The following SEMA6B variants were observed in gnomAD, a reference collection of about 807,000 sequenced individuals.
SEMA6B encodes semaphorin 6B.
In SEMA6B, 47 loss-of-function variants were observed where a neutral mutation model predicts 78.6. The observed-to-expected ratio is 0.60, with a 90% CI of 0.47 to 0.76. The LOEUF (loss-of-function observed/expected upper bound fraction) is 0.76, where lower values mean the gene tolerates loss of function less well. Ranked by LOEUF, SEMA6B falls within the 30% of genes least tolerant of loss-of-function variation. The pLI is 0.00. For missense variants in SEMA6B, 1,213 were observed against 1,269.9 expected, an observed-to-expected ratio of 0.96 and a Z score of 0.68; for synonymous variants, 632 against 592.2, an observed-to-expected ratio of 1.07 and a Z score of -0.98.
chr19:4,553,303 T>C (rs1161251483), intron 9 of SEMA6B, among the ~76,000 whole-genome samples: 1 of 151,180 alleles, frequency 6.6e-6, no homozygotes, highest in African/African-American at 2.4e-5. Flanking sequence ...GATGAATGAA[T>C]GGATGGATAA....
At chr19:4,546,941 T>A (rs35862884) in intron 14 of SEMA6B, among the ~76,000 whole-genome samples, 63,569 of 149,778 alleles carry the variant, frequency 0.42, 14,987 homozygotes, top group East Asian at 0.88. Context: ...ATTAAAAAAA[T>A]TTTTTTAAAT....
intron 15 of SEMA6B, 54 bp downstream of exon 15, chr19:4,546,338 G>A: frequency 6.3e-7 from 1 of 1,597,972 alleles, no homozygotes; most frequent in Non-Finnish European, 8.5e-7. Context: ...AGGGGGATCT[G>A]GGATCATGGG....
Position 4,555,172 on chromosome 19 carries a change from T to G in SEMA6B, c.563-77A>C. 15 of 1,493,364 alleles carry G rather than the reference T, an allele frequency of 1.0e-5. No homozygotes were observed. The South Asian group carries it at 1.6e-4, about 16-fold the overall frequency. 92.5% of individuals were successfully genotyped at this position (1,493,364 alleles called of 1,614,324 possible). ...GGGGCTGGGTGGGTCGAAACTCGAT[T>G]TTCTGAGACTGAGTCCTGAGCCTAG... On this transcript the variant is annotated intron_variant, in intron 7 of 16. Transcript: ENST00000586582. The surrounding 1 kb of genome is among the most constrained non-coding windows in gnomAD (Gnocchi z 6.1).
At chr19:4,559,415 T>C (rs372417931) in intron 1 of SEMA6B, 115 bp downstream of exon 1, 4 of 152,176 alleles carry the variant, frequency 2.6e-5, no homozygotes, top group East Asian at 3.9e-4. Flanking sequence ...TTGCAGAAAC[T>C]TCTAGGTGTG....
chr19:4,544,523 A>G lies in SEMA6B; in HGVS notation c.1745T>C (p.Leu582Pro). 6.5e-7 allele frequency: 1 copy of G among 1,529,902 alleles called. No individual in the cohort carries two copies. The highest frequency in any genetic ancestry group is 8.8e-7 in the Non-Finnish European group (1 of 1,135,562). The allele number at this position is 1,529,902 out of a possible 1,614,324, so 94.8% of individuals were successfully genotyped here. A position where few individuals can be genotyped will look rare whatever the true frequency, so the allele number is the denominator to read the frequency against. Reference sequence around the variant, plus strand: ...GCGGTCCTCGGAGAGGCTGGCCCGCAGGAGTCCTGGCCGGGGAGCACAGGG... The same window carrying G: ...GCGGTCCTCGGAGAGGCTGGCCCGCGGGAGTCCTGGCCGGGGAGCACAGGG... ...TSGLGDCTGLLRASLSEDRAG... is the reference protein window; with the variant it reads ...TSGLGDCTGLPRASLSEDRAG... The change falls in exon 17 of 17, where the codon CTG becomes CCG. Residue 582 changes from leucine to proline, a missense_variant. Transcript: ENST00000586582. This position sits in a 1 kb window ranked among gnomAD's most constrained non-coding sequence, Gnocchi z 5.1.
At position 4,550,509 on chromosome 19, in the gene SEMA6B, A is replaced by G. The variant is rs548595270; in HGVS notation, c.1122-237T>C. Among the ~76,000 whole-genome samples, 376 of 152,196 alleles carry G rather than the reference A, an allele frequency of 2.5e-3. 2 individuals carry two copies. The highest frequency in any genetic ancestry group is 8.3e-3 in the South Asian group (40 of 4,814). On this transcript the variant is annotated intron_variant, in intron 11 of 16. Coordinates refer to ENST00000586582, the MANE Select transcript of SEMA6B (RefSeq NM_032108.4). The surrounding 1 kb of genome is among the most constrained non-coding windows in gnomAD (Gnocchi z 6.6). Reference sequence around the variant, plus strand: ...CACCCGAGTGGCTGGGATTACAGGCACGTGCCATCACGCCCGGCTAATTTT... The same window carrying G: ...CACCCGAGTGGCTGGGATTACAGGCGCGTGCCATCACGCCCGGCTAATTTT...
Position 4,543,671 on chromosome 19 carries a change from C to G in SEMA6B, c.2597G>C (p.Arg866Pro), listed in dbSNP as rs751417179. Residue 866 changes from arginine (R) to proline (P), a missense_variant, in exon 17 of 17, where the codon CGG becomes CCG. By Grantham distance (103) the Arg-to-Pro change is moderately radical. Coordinates refer to ENST00000586582, the MANE Select transcript of SEMA6B (RefSeq NM_032108.4). ...PGDRHRGCHA[R>P]PGTDLAHLLP... Reference sequence around the variant, plus strand: ...GAGGTGGGCCAAGTCTGTGCCCGGCCGGGCGTGGCAGCCGCGGTGGCGGTC... The same window carrying G: ...GAGGTGGGCCAAGTCTGTGCCCGGCGGGGCGTGGCAGCCGCGGTGGCGGTC... 6 of 1,230,798 alleles carry G rather than the reference C, an allele frequency of 4.9e-6. No individual in the cohort carries two copies. The African/African-American group carries it at 9.3e-5, about 19-fold the overall frequency. 76.2% of individuals were successfully genotyped at this position (1,230,798 alleles called of 1,614,324 possible).
At position 4,542,796 on chromosome 19, in the gene SEMA6B, C is replaced by G. The variant is rs1282347095; in HGVS notation, c.*805G>C. 2.9e-6 allele frequency: 2 copies of G among 701,282 alleles called. No individual in the cohort carries two copies. Among genetic ancestry groups the G allele is most frequent in the Non-Finnish European group, 5.2e-6 (2 of 384,734 alleles). 43.4% of individuals were successfully genotyped at this position (701,282 alleles called of 1,614,324 possible). ...GGCCCCACCCACCTTCGCCGCCCCC[C>G]AGGCCCCCAAGCCCTTTAGACAGCT... On this transcript the variant is annotated 3_prime_UTR_variant, in exon 17 of 17. Coordinates refer to ENST00000586582, the MANE Select transcript of SEMA6B (RefSeq NM_032108.4).
Position 4,550,058 on chromosome 19 carries a change from T to C in SEMA6B, c.1271+65A>G. ...GGCTCATCTGTGTTGAGCATCTGGATCCTCTCACCCTCCATCTACCCCATC... is the reference window on the plus strand; with the variant it reads ...GGCTCATCTGTGTTGAGCATCTGGACCCTCTCACCCTCCATCTACCCCATC... On this transcript the variant is annotated intron_variant, in intron 12 of 16. Transcript: ENST00000586582. This position sits in a 1 kb window ranked among gnomAD's most constrained non-coding sequence, Gnocchi z 6.6. The C allele has an allele frequency of 2.0e-6, 3 of 1,536,588 alleles. No individual in the cohort carries two copies. Among genetic ancestry groups the C allele is most frequent in the Non-Finnish European group, 2.7e-6 (3 of 1,119,924 alleles).
chr19:4,558,574 CAAATCCCAGAA>C lies in SEMA6B; in HGVS notation c.-32-96_-32-86del. 1.2e-6 allele frequency: 1 copy of C among 812,810 alleles called. No individual in the cohort carries two copies. The highest frequency in any genetic ancestry group is 1.7e-6 in the Non-Finnish European group (1 of 605,422). The allele number at this position is 812,810 out of a possible 1,614,324, so 50.3% of individuals were successfully genotyped here. A position where few individuals can be genotyped will look rare whatever the true frequency, so the allele number is the denominator to read the frequency against. ...CGGGCGAGAGCAGCAGACGCTCCTT[CAAATCCCAGAA>C]AAATTCCTCACGGGGATAATAATTA... On this transcript the variant is annotated intron_variant, in intron 1 of 16. Transcript: ENST00000586582. This position sits in a 1 kb window ranked among gnomAD's most constrained non-coding sequence, Gnocchi z 5.1.
chr19:4,549,765 A>G (rs1213244456), intron 12 of SEMA6B, among the ~76,000 whole-genome samples: 1 of 152,070 alleles, frequency 6.6e-6, no homozygotes, highest in African/African-American at 2.4e-5. Flanking sequence ...GGCGTGAGCC[A>G]CCATGCCCGG....
At position 4,558,140 on chromosome 19, in the gene SEMA6B, T is replaced by A; in HGVS notation, c.131A>T (p.His44Leu). The change falls in exon 3 of 17, where the codon CAC becomes CTC. Residue 44 changes from histidine to leucine, a missense_variant. By Grantham distance (99) the His-to-Leu change is moderately conservative (BLOSUM62 -3). Coordinates refer to ENST00000586582, the MANE Select transcript of SEMA6B (RefSeq NM_032108.4). This position sits in a 1 kb window ranked among gnomAD's most constrained non-coding sequence, Gnocchi z 5.1. The stretch of plus-strand genomic sequence containing the variant: ...CCCGCTGCCCACAAACACGGGATAG[T>A]GGTTCAGGTCTGAGTGAGGGGGTGG... ...LSVAPRDYLN[H>L]YPVFVGSGPG... 1 of 1,497,300 alleles carries A rather than the reference T, an allele frequency of 6.7e-7. No individual in the cohort carries two copies. The highest frequency in any genetic ancestry group is 1.3e-5 in the South Asian group (1 of 75,678). 92.8% of individuals were successfully genotyped at this position (1,497,300 alleles called of 1,614,324 possible).
chr19:4,556,922 G>T, intron 5 of SEMA6B, 29 bp downstream of exon 5: 1 of 1,603,912 alleles, frequency 6.2e-7, no homozygotes, highest in Non-Finnish European at 8.5e-7. Flanking sequence ...TGATTCGCAG[G>T]GGCCGGGACC....
intron 5 of SEMA6B, 152 bp downstream of exon 5, chr19:4,556,799 G>A: frequency 5.7e-6 from 4 of 706,364 alleles, no homozygotes; most frequent in South Asian, 3.4e-5. Flanking sequence ...TGTGGCCAGG[G>A]CTGGCAGTTG....
Position 4,550,710 on chromosome 19 carries a change from G to C in SEMA6B, c.1121+89C>G. The C allele has an allele frequency of 6.7e-7, 1 of 1,503,118 alleles. No homozygotes were observed. 93.1% of individuals were successfully genotyped at this position (1,503,118 alleles called of 1,614,324 possible). A position where few individuals can be genotyped will look rare whatever the true frequency, so the allele number is the denominator to read the frequency against. On this transcript the variant is annotated intron_variant, in intron 11 of 16. Coordinates refer to ENST00000586582, the MANE Select transcript of SEMA6B (RefSeq NM_032108.4). This position sits in a 1 kb window ranked among gnomAD's most constrained non-coding sequence, Gnocchi z 6.6. Reference sequence around the variant, plus strand: ...ACGGGTACAGCTGAACTCAGCATCAGCTAAATAACCACCCGGAAGCCCCAG... The same window carrying C: ...ACGGGTACAGCTGAACTCAGCATCACCTAAATAACCACCCGGAAGCCCCAG...
At chr19:4,554,341 G>A (rs373250051) in intron 9 of SEMA6B, 47 bp downstream of exon 9, 44 of 1,459,172 alleles carry the variant, frequency 3.0e-5, no homozygotes, top group East Asian at 1.4e-4. Context: ...CCCTCACTTC[G>A]CATGATCAGA....
chr19:4,555,609 C>G lies in SEMA6B; in HGVS notation c.472-45G>C. 6.7e-7 allele frequency: 1 copy of G among 1,502,486 alleles called. No individual in the cohort carries two copies. The highest frequency in any genetic ancestry group is 9.2e-7 in the Non-Finnish European group (1 of 1,088,258). The allele number at this position is 1,502,486 out of a possible 1,614,324, so 93.1% of individuals were successfully genotyped here. ...TGAGTGACAGATCTCCTGACCCCAC[C>G]TAGCAGCCCCTGGCTCCCTCAGCCC... is the stretch of plus-strand genomic sequence containing the variant. On this transcript the variant is annotated intron_variant, in intron 6 of 16. Coordinates refer to ENST00000586582, the MANE Select transcript of SEMA6B (RefSeq NM_032108.4). The surrounding 1 kb of genome is among the most constrained non-coding windows in gnomAD (Gnocchi z 6.1).
intron 16 of SEMA6B, chr19:4,545,896 C>T (rs1030877104): frequency 8.0e-5 from 16 of 200,356 alleles, no homozygotes; most frequent in Non-Finnish European, 1.3e-4. Context: ...CTCAGCCTCC[C>T]GAGTAGCTGG....
rs1434770420 is a variant in SEMA6B, at chr19:4,544,084, G to T, written c.2184C>A (p.His728Gln). Residue 728 changes from histidine to glutamine, a missense_variant, in exon 17 of 17, where the codon CAC (histidine) becomes CAA (glutamine). His to Gln is a conservative substitution (Grantham distance 24). Transcript: ENST00000586582. The surrounding 1 kb of genome is among the most constrained non-coding windows in gnomAD (Gnocchi z 5.1). ...KRLPTPHPHP[H>Q]ALGPRAWDHG... The stretch of plus-strand genomic sequence containing the variant: ...GGTCCCAGGCGCGGGGGCCCAGGGC[G>T]TGGGGGTGCGGGTGCGGAGTGGGCA... 5 of 1,252,686 alleles carry T rather than the reference G, an allele frequency of 4.0e-6. No homozygotes were observed. Among genetic ancestry groups the T allele is most frequent in the Non-Finnish European group, 5.0e-6 (5 of 999,406 alleles). The allele number at this position is 1,252,686 out of a possible 1,614,324, so 77.6% of individuals were successfully genotyped here. A position where few individuals can be genotyped will look rare whatever the true frequency, so the allele number is the denominator to read the frequency against.
Sources: allele counts gnomAD v4.1 joint callset (sites outside exome capture counted in the v4.1 genomes callset), GRCh38; gene constraint gnomAD v4.1.1; non-coding constraint Gnocchi (gnomAD v3.1); transcripts MANE v1.5; gene names NCBI Gene and HGNC (gene_info 2026-07-23, HGNC 2026-07-21).